SBK1: variants seen among roughly 807,000 people sequenced by gnomAD.
The protein encoded by SBK1 is serine/threonine-protein kinase SBK1.
Under a neutral mutation model 24.4 loss-of-function variants are expected in SBK1, and 11 were observed. The ratio of observed to expected loss-of-function variants is 0.45; its 90% confidence interval spans 0.28 to 0.75. SBK1 has a LOEUF of 0.75. Ranked by LOEUF, SBK1 falls within the 30% of genes least tolerant of loss-of-function variation. The probability of loss-of-function intolerance (pLI) is 0.12; values close to 1 mark genes in which losing one functional copy is unlikely to be tolerated. For missense variants in SBK1, 467 were observed against 620.5 expected (o/e 0.75, Z 2.63); for synonymous variants, 308 against 284.4 (o/e 1.08, Z -0.83).
At chr16:28,290,475 A>G (rs2044591413), upstream of SBK1, 1 of 152,202 alleles carries the variant, frequency 6.6e-6, no homozygotes, top group Non-Finnish European at 1.5e-5. Context: ...TCTGTAGTAA[A>G]AATACAAAAA....
At chr16:28,314,447 T>C (rs997198161) in intron 1 of SBK1, among the ~76,000 whole-genome samples, 1 of 151,338 alleles carries the variant, frequency 6.6e-6, no homozygotes, top group African/African-American at 2.4e-5. Flanking sequence ...GTGAGCTACC[T>C]TGAGTGGCCC....
intron 1 of SBK1, among the ~76,000 whole-genome samples, chr16:28,313,393 T>C (rs1308363831): frequency 1.3e-5 from 2 of 151,336 alleles, no homozygotes; most frequent in Non-Finnish European, 2.9e-5. Context: ...GGTCAGGAAT[T>C]CAAGACCAGC....
intron 1 of SBK1, among the ~76,000 whole-genome samples, chr16:28,280,350 A>AATAT (rs535039780): frequency 1.4e-5 from 2 of 139,496 alleles, no homozygotes; most frequent in African/African-American, 2.6e-5. Context: ...ATATATATAA[A>AATAT]ATATATATAT....
chr16:28,316,233 C>A (rs2044794613), intron 1 of SBK1, among the ~76,000 whole-genome samples: 1 of 152,156 alleles, frequency 6.6e-6, no homozygotes, highest in Non-Finnish European at 1.5e-5. Context: ...TGGCCTGAGA[C>A]CACGTGGCCA....
At position 28,320,462 on chromosome 16, in the gene SBK1, C is replaced by A. The variant is rs781064595; in HGVS notation, c.816C>A (p.Gly272=). ...AGGAGTTCGTGCGCTGGCAGCGGGG[C>A]CGCCTGCCGGGGCTGCCTTCGCAGT... ...FFEEFVRWQR[G]RLPGLPSQWR... is the part of the protein sequence containing the mutation. Residue 272 remains glycine, a synonymous_variant, in exon 4 of 4, where the codon GGC becomes GGA. Transcript: ENST00000341901. The surrounding 1 kb of genome is among the most constrained non-coding windows in gnomAD (Gnocchi z 8.5). The A allele has an allele frequency of 6.3e-7, 1 of 1,575,550 alleles. No homozygotes were observed. The highest frequency in any genetic ancestry group is 1.8e-5 in the Admixed American group (1 of 56,272).
In SBK1 at chr16:28,317,516, G is replaced by C. The variant is rs1257903980; in HGVS notation, c.125G>C (p.Arg42Pro). ...GAAGACATGCAGGCCCTGACTCTCC[G>C]CACACTGGCCGCCAGCGACGTCACC... ...LTEDMQALTL[R>P]TLAASDVTKH... is the part of the protein sequence containing the mutation. The change falls in exon 2 of 4, where the codon CGC becomes CCC. Residue 42 changes from arginine to proline, a missense_variant. Physicochemically the swap from Arg to Pro is moderately radical, Grantham distance 103 (BLOSUM62 -2). This residue lies in a region of SBK1 where 123 missense variants were observed against 158.2 expected (regional missense o/e 0.78). Coordinates refer to ENST00000341901, the MANE Select transcript of SBK1 (RefSeq NM_001024401.3). This position sits in a 1 kb window ranked among gnomAD's most constrained non-coding sequence, Gnocchi z 4.2. The C allele has an allele frequency of 6.2e-7, 1 of 1,614,042 alleles. No individual in the cohort carries two copies. Among genetic ancestry groups the C allele is most frequent in the African/African-American group, 1.3e-5 (1 of 74,920 alleles).
intron 1 of SBK1, among the ~76,000 whole-genome samples, chr16:28,293,598 C>G (rs984814873): frequency 6.7e-6 from 1 of 150,174 alleles, no homozygotes. Flanking sequence ...AGTCCCCCCC[C>G]AAAAGCTGCG....
At chr16:28,268,008 G>A (rs1000269928) in intron 1 of SBK1, among the ~76,000 whole-genome samples, 9 of 152,070 alleles carry the variant, frequency 5.9e-5, no homozygotes, top group African/African-American at 1.9e-4. Flanking sequence ...TTAACCAGGC[G>A]TGGTGGTGTG....
upstream of SBK1, among the ~76,000 whole-genome samples, chr16:28,289,531 T>C (rs1481757296): frequency 6.6e-6 from 1 of 152,162 alleles, no homozygotes; most frequent in African/African-American, 2.4e-5. Flanking sequence ...TTTGGGAGGC[T>C]GAGGTGGACA....
rs2044876099 is a variant in SBK1 at position 28,323,716 on chromosome 16, T to A, written c.*2795T>A. 1 of 152,750 alleles carries A rather than the reference T, an allele frequency of 6.5e-6. No homozygotes were observed. Among genetic ancestry groups the A allele is most frequent in the African/African-American group, 2.4e-5 (1 of 41,456 alleles). 9.5% of individuals were successfully genotyped at this position (152,750 alleles called of 1,614,324 possible). A position where few individuals can be genotyped will look rare whatever the true frequency, so the allele number is the denominator to read the frequency against. On this transcript the variant is annotated 3_prime_UTR_variant, in exon 4 of 4. Coordinates refer to ENST00000341901, the MANE Select transcript of SBK1 (RefSeq NM_001024401.3). ...CTAGCCCCAGAGCCCCAGCCCCTCA[T>A]GTCTTGCCGCCCTTCCTCCATGTGT...
chr16:28,285,583 A>C (rs932875972), intron 1 of SBK1: 2 of 152,208 alleles, frequency 1.3e-5, no homozygotes, highest in Non-Finnish European at 2.9e-5. Flanking sequence ...ATAACAGATA[A>C]AGATGAATTC....
At chr16:28,283,915 C>T (rs997828978) in intron 1 of SBK1, among the ~76,000 whole-genome samples, 1 of 152,146 alleles carries the variant, frequency 6.6e-6, no homozygotes, top group African/African-American at 2.4e-5. Flanking sequence ...CTGCTGGCAT[C>T]CAGAGTGCTG....
chr16:28,262,016 G>A (rs1567668097), intron 1 of SBK1, among the ~76,000 whole-genome samples: 1 of 152,220 alleles, frequency 6.6e-6, no homozygotes. Flanking sequence ...AGGGGACAGG[G>A]CCAGGCTGGG....
chr16:28,261,693 C>T (rs975966067), intron 1 of SBK1, among the ~76,000 whole-genome samples: 3 of 152,168 alleles, frequency 2.0e-5, no homozygotes, highest in South Asian at 2.1e-4. Context: ...ATACTACACT[C>T]CCAGACCCTG....
chr16:28,263,033 T>A (rs1324282046), intron 1 of SBK1, among the ~76,000 whole-genome samples: 1 of 151,904 alleles, frequency 6.6e-6, no homozygotes, highest in African/African-American at 2.4e-5. Flanking sequence ...ACACATGAGG[T>A]TTTTATGAAC....
intron 1 of SBK1, among the ~76,000 whole-genome samples, chr16:28,269,116 C>G (rs931543205): frequency 8.6e-5 from 13 of 150,652 alleles, no homozygotes; most frequent in African/African-American, 3.0e-4. Flanking sequence ...TCACTGCAAC[C>G]TCTGCCTCCT....
intron 1 of SBK1, among the ~76,000 whole-genome samples, chr16:28,308,281 T>C (rs1180418168): frequency 1.3e-5 from 2 of 151,870 alleles, no homozygotes; most frequent in Admixed American, 1.3e-4. Context: ...CCTCTAAATA[T>C]CTAGGATTAC....
chr16:28,289,786 A>C (rs1487200215), upstream of SBK1, among the ~76,000 whole-genome samples: 2 of 151,074 alleles, frequency 1.3e-5, no homozygotes, highest in Non-Finnish European at 2.9e-5. Context: ...AAAAAAAACA[A>C]AAACAAACAG....
At chr16:28,291,189 G>C (rs553316838), upstream of SBK1, 2 of 152,306 alleles carry the variant, frequency 1.3e-5, no homozygotes, top group Admixed American at 6.5e-5. Context: ...AAAAAATGAT[G>C]AGTTCATGTC....
Sources: allele counts gnomAD v4.1 joint callset (sites outside exome capture counted in the v4.1 genomes callset), GRCh38; gene constraint gnomAD v4.1.1; regional missense constraint gnomAD v4.1.1; non-coding constraint Gnocchi (gnomAD v3.1); transcripts MANE v1.5; gene names NCBI Gene and HGNC (gene_info 2026-07-23, HGNC 2026-07-21).